The following DOCK1 variants were observed in gnomAD, a reference collection of about 807,000 sequenced individuals.
DOCK1 encodes the protein dedicator of cytokinesis 1.
A neutral mutation model predicts 262.7 loss-of-function variants in DOCK1; 138 were observed. The ratio of observed to expected loss-of-function variants is 0.53; its 90% CI spans 0.46 to 0.61. The LOEUF is 0.61. Ranked by LOEUF, DOCK1 falls within the 20% of genes least tolerant of loss-of-function variation. The probability of loss-of-function intolerance (pLI) is 0.00; values close to 1 mark genes in which losing one functional copy is unlikely to be tolerated. For synonymous variants in DOCK1, 866 were observed against 867.4 expected (o/e 1.00, Z 0.03); for missense variants, 1,908 against 2,370.7 (o/e 0.80, Z 4.05).
intron 31 of DOCK1, among the ~76,000 whole-genome samples, chr10:127,344,953 C>T (rs767172127): frequency 8.5e-5 from 13 of 152,174 alleles, no homozygotes; most frequent in Non-Finnish European, 1.9e-4. Context: ...TGTAACTTTT[C>T]TTTGTTTAGA....
In DOCK1 at chr10:126,905,492, C is replaced by G. The variant is rs952221230; in HGVS notation, c.-26C>G. 4 of 531,108 alleles carry G rather than the reference C, an allele frequency of 7.5e-6. No homozygotes were observed. Among genetic ancestry groups the G allele is most frequent in the Non-Finnish European group, 1.4e-5 (4 of 287,516 alleles). The allele number at this position is 531,108 out of a possible 1,614,324, so 32.9% of individuals were successfully genotyped here. On this transcript the variant is annotated 5_prime_UTR_variant, in exon 1 of 52. Transcript: ENST00000623213. ...CGGCCTAGACGCGGAGTTTCCTGCC[C>G]GACCCGCGGCGGCTCCGGCGGCGCC...
At chr10:126,919,999 G>A (rs1381106478) in intron 1 of DOCK1, among the ~76,000 whole-genome samples, 2 of 152,168 alleles carry the variant, frequency 1.3e-5, no homozygotes, top group East Asian at 1.9e-4. Flanking sequence ...AGGCAGTGTC[G>A]GCTCAGCTCG....
In DOCK1 at chr10:127,201,745, A is replaced by G. The variant is rs531329620; in HGVS notation, c.2848-46263A>G. On this transcript the variant is annotated intron_variant, in intron 27 of 51. Transcript: ENST00000623213. The stretch of plus-strand genomic sequence containing the variant: ...GCAAACCCCAAGGCTTTCCCCTCCC[A>G]ACTGCAGCCTCTCCTTTCTTTTAGG... 2.6e-5 allele frequency among the ~76,000 whole-genome samples: 4 copies of G among 152,232 alleles called. No individual in the cohort carries two copies. The East Asian group carries it at 7.7e-4, about 29-fold the overall frequency.
chr10:127,133,799 A>C (rs1218040691), intron 27 of DOCK1, among the ~76,000 whole-genome samples: 1 of 152,248 alleles, frequency 6.6e-6, no homozygotes, highest in South Asian at 2.1e-4. Context: ...TAGCATGATG[A>C]CTTTATGCCA....
rs545584098 is a variant in DOCK1, at chr10:127,399,409, C to G, written c.3928-3646C>G. On this transcript the variant is annotated intron_variant, in intron 38 of 51. Transcript: ENST00000623213. ...ACGTTGGAAGTATGAATTACCCACA[C>G]TCTCTTTAAAGCCCCATCCAATTAA... Among the ~76,000 whole-genome samples the G allele has an allele frequency of 2.0e-5, 3 of 152,274 alleles. No individual in the cohort carries two copies. In the South Asian group the frequency reaches 6.2e-4, roughly 32 times the overall value.
intron 28 of DOCK1, among the ~76,000 whole-genome samples, chr10:127,253,239 G>C (rs943784803): frequency 2.6e-5 from 4 of 152,214 alleles, no homozygotes; most frequent in African/African-American, 9.6e-5. Context: ...TAGTTAGCTA[G>C]AAGGGAACAA....
chr10:127,124,960 A>T lies in DOCK1; in HGVS notation c.2624-514A>T, dbSNP rs186181661. On this transcript the variant is annotated intron_variant, in intron 25 of 51. Transcript: ENST00000623213. ...AACCCCATGTCTACTAAAAATAAAA[A>T]AAAAAAATTAGCTGGGCGTGGTGGC... Among the ~76,000 whole-genome samples the T allele has an allele frequency of 4.5e-4, 69 of 152,230 alleles. No individual in the cohort carries two copies. In the East Asian group the frequency reaches 0.013, roughly 28 times the overall value.
At chr10:127,338,967 G>T in intron 29 of DOCK1, 39 bp from the exon 30 acceptor site, 6 of 1,521,924 alleles carry the variant, frequency 3.9e-6, no homozygotes, top group Non-Finnish European at 3.6e-6. Flanking sequence ...GTGCCAGAGC[G>T]TAAGTGTGTA....
intron 27 of DOCK1, among the ~76,000 whole-genome samples, chr10:127,181,796 TCA>T (rs1318097838): frequency 1.3e-5 from 2 of 152,160 alleles, no homozygotes; most frequent in Non-Finnish European, 2.9e-5. Context: ...ATGAAGTCAC[TCA>T]CATTGTGAAA....
At chr10:127,178,767 C>T (rs964455866) in intron 27 of DOCK1, among the ~76,000 whole-genome samples, 2 of 152,086 alleles carry the variant, frequency 1.3e-5, no homozygotes, top group East Asian at 1.9e-4. Context: ...ATCTTGGCCC[C>T]GTTTGGGATG....
intron 1 of DOCK1, among the ~76,000 whole-genome samples, chr10:126,957,263 T>G (rs2036820390): frequency 6.6e-6 from 1 of 152,188 alleles, no homozygotes; most frequent in African/African-American, 2.4e-5. Flanking sequence ...TGGCTGCCTT[T>G]CCCTGTCTTC....
intron 2 of DOCK1, among the ~76,000 whole-genome samples, chr10:126,971,511 G>A (rs1341277463): frequency 3.3e-5 from 5 of 152,024 alleles, no homozygotes; most frequent in Admixed American, 3.3e-4. Context: ...CCCCATCTTG[G>A]GCTCAAGCAG....
chr10:127,279,347 T>C lies in DOCK1; in HGVS notation c.3044+21918T>C, dbSNP rs539630248. On this transcript the variant is annotated intron_variant, in intron 29 of 51. Transcript: ENST00000623213. The stretch of plus-strand genomic sequence containing the variant: ...ATAAGAGGGCAGGTCATATGATCTT[T>C]ATTTTTCAGTTGAGGAAGCTGAAGG... Among the ~76,000 whole-genome samples, 27 of 152,336 alleles carry C rather than the reference T, an allele frequency of 1.8e-4. No individual in the cohort carries two copies. The South Asian group carries it at 5.0e-3, about 28-fold the overall frequency.
rs531808227 is a variant in DOCK1 at position 127,444,170 on chromosome 10, C to T, written c.5304C>T (p.Asn1768=). 1.5e-4 allele frequency: 242 copies of T among 1,594,078 alleles called. 3 individuals carry two copies. In the South Asian group the frequency reaches 2.5e-3, roughly 16 times the overall value. The part of the protein sequence containing the change: ...RPQRPKSQVM[N]VIGSERRFSV... ...AGAGACCGAAGAGCCAGGTGATGAA[C>T]GTCATTGGAAGCGAAAGGCGCTTCT... is the stretch of plus-strand genomic sequence containing the variant. The change falls in exon 50 of 52, where the codon AAC becomes AAT. Residue 1768 remains asparagine, a synonymous_variant. Coordinates refer to ENST00000623213, the MANE Select transcript of DOCK1 (RefSeq NM_001290223.2).
intron 29 of DOCK1, among the ~76,000 whole-genome samples, chr10:127,335,714 A>ATT (rs772026364): frequency 3.7e-5 from 5 of 134,556 alleles, no homozygotes; most frequent in African/African-American, 5.5e-5. Flanking sequence ...GGCCCAGCTA[A>ATT]TTTTTTTTTT....
At chr10:127,385,086 T>A (rs1335499330) in intron 38 of DOCK1, among the ~76,000 whole-genome samples, 177 bp downstream of exon 38, 2 of 149,614 alleles carry the variant, frequency 1.3e-5, no homozygotes, top group African/African-American at 5.0e-5. Context: ...AATCTTCTTT[T>A]AAAAAAAATC....
At chr10:127,075,169 CAAA>C (rs71032536) in intron 23 of DOCK1, among the ~76,000 whole-genome samples, 6 of 64,320 alleles carry the variant, frequency 9.3e-5, no homozygotes, top group African/African-American at 4.2e-4. Flanking sequence ...AACTCTGTCT[CAAA>C]AAAAAAAAAA....
At chr10:127,231,811 A>G (rs1201419605) in intron 27 of DOCK1, among the ~76,000 whole-genome samples, 3 of 152,218 alleles carry the variant, frequency 2.0e-5, no homozygotes, top group Non-Finnish European at 4.4e-5. Flanking sequence ...CTTTCAAACA[A>G]ATAGAAGACT....
intron 30 of DOCK1, among the ~76,000 whole-genome samples, chr10:127,340,799 A>G (rs888563864): frequency 1.3e-5 from 2 of 152,188 alleles, no homozygotes; most frequent in African/African-American, 4.8e-5. Flanking sequence ...TATTTAGGCT[A>G]AGAATACTTA....
Sources: gnomAD v4.1 joint callset for allele counts (sites outside exome capture counted in the v4.1 genomes callset) on GRCh38, gnomAD v4.1.1 for gene constraint, MANE v1.5 for transcripts, NCBI Gene and HGNC (gene_info 2026-07-23, HGNC 2026-07-21) for gene names.